Variants in UNC5D observed in about 807,000 individuals in gnomAD.
UNC5D encodes netrin receptor UNC5D.
Under a neutral mutation model 105.4 loss-of-function variants are expected in UNC5D, and 39 were observed. That is an observed-to-expected ratio of 0.37 (90% CI 0.29 to 0.48). The LOEUF is 0.48. Among genes scored for constraint, UNC5D ranks in the 20% least tolerant of loss-of-function variants. The pLI is 0.98. For missense variants in UNC5D, 991 were observed against 1,202.4 expected (o/e 0.82, Z 2.60); for synonymous variants, 452 against 450.4 (o/e 1.00, Z -0.04).
At position 35,549,468 on chromosome 8, in the gene UNC5D, C is replaced by G; in HGVS notation, c.280C>G (p.Gln94Glu). ...FFKCNGEWVH[Q>E]NEHVSEETLD... Reference sequence around the variant, plus strand: ...CAAATGCAACGGCGAGTGGGTCCATCAGAACGAGCACGTCTCTGAAGAGAC... The same window carrying G: ...CAAATGCAACGGCGAGTGGGTCCATGAGAACGAGCACGTCTCTGAAGAGAC... The change falls in exon 2 of 17, where the codon CAG (glutamine) becomes GAG (glutamate). Residue 94 changes from glutamine to glutamate, a missense_variant. By Grantham distance (29) the Gln-to-Glu change is conservative. This residue lies in a region of UNC5D where 944 missense variants were observed against 1,131.6 expected (regional missense o/e 0.83). Coordinates refer to ENST00000404895, the MANE Select transcript of UNC5D (RefSeq NM_080872.4). 6.2e-7 allele frequency: 1 copy of G among 1,612,446 alleles called. No homozygotes were observed.
At chr8:35,533,775 A>T (rs1022732090) in intron 1 of UNC5D, among the ~76,000 whole-genome samples, 4 of 152,132 alleles carry the variant, frequency 2.6e-5, no homozygotes, top group African/African-American at 9.7e-5. Flanking sequence ...GCCGGTCTGA[A>T]AAGCACAATA....
At chr8:35,436,035 A>G (rs1047410243) in intron 1 of UNC5D, among the ~76,000 whole-genome samples, 2 of 152,104 alleles carry the variant, frequency 1.3e-5, no homozygotes, top group Non-Finnish European at 2.9e-5. Flanking sequence ...TTAAATATTT[A>G]TACTTGGCAA....
chr8:35,315,803 G>A (rs997916280), intron 1 of UNC5D, among the ~76,000 whole-genome samples: 1 of 152,186 alleles, frequency 6.6e-6, no homozygotes, highest in Non-Finnish European at 1.5e-5. Context: ...TGGCAGGACT[G>A]GCATTTTGCA....
intron 11 of UNC5D, among the ~76,000 whole-genome samples, chr8:35,746,731 C>T (rs1331589915): frequency 6.6e-6 from 1 of 152,112 alleles, no homozygotes; most frequent in Admixed American, 6.5e-5. Flanking sequence ...ACAATATGTT[C>T]AACAAGGAGG....
chr8:35,658,731 A>G (rs1244840478), intron 4 of UNC5D, among the ~76,000 whole-genome samples: 1 of 149,408 alleles, frequency 6.7e-6, no homozygotes, highest in Non-Finnish European at 1.5e-5. Context: ...GGCTCACTGC[A>G]AGCTCCGCCT....
chr8:35,300,224 C>T (rs1475593856), intron 1 of UNC5D, among the ~76,000 whole-genome samples: 2 of 151,830 alleles, frequency 1.3e-5, no homozygotes, highest in East Asian at 3.9e-4. Context: ...AAGGTGGGCA[C>T]ATCACCTGAG....
chr8:35,318,027 G>C (rs959706556), intron 1 of UNC5D, among the ~76,000 whole-genome samples: 1 of 151,826 alleles, frequency 6.6e-6, no homozygotes, highest in Non-Finnish European at 1.5e-5. Flanking sequence ...TCTTTTTCAA[G>C]TCTTATTGCA....
chr8:35,291,952 A>G (rs1807098755), intron 1 of UNC5D, among the ~76,000 whole-genome samples: 1 of 152,228 alleles, frequency 6.6e-6, no homozygotes, highest in African/African-American at 2.4e-5. Context: ...ACAGCCATGG[A>G]AAAAATATTC....
chr8:35,420,612 A>T (rs1805835581), intron 1 of UNC5D, among the ~76,000 whole-genome samples: 1 of 152,228 alleles, frequency 6.6e-6, no homozygotes, highest in African/African-American at 2.4e-5. Flanking sequence ...CAAAGACACC[A>T]GTTCCCTCTA....
chr8:35,394,008 T>A (rs1803945432), intron 1 of UNC5D, among the ~76,000 whole-genome samples: 2 of 151,886 alleles, frequency 1.3e-5, no homozygotes, highest in East Asian at 1.9e-4. Context: ...TTCTCCTTTT[T>A]CTCTCTCTCA....
chr8:35,624,956 C>G (rs1294456693), intron 4 of UNC5D, among the ~76,000 whole-genome samples: 1 of 151,958 alleles, frequency 6.6e-6, no homozygotes, highest in Non-Finnish European at 1.5e-5. Context: ...ATTAATCATC[C>G]CTTAATTATT....
intron 2 of UNC5D, among the ~76,000 whole-genome samples, chr8:35,561,400 T>G (rs1816955078): frequency 6.6e-6 from 1 of 152,184 alleles, no homozygotes; most frequent in Non-Finnish European, 1.5e-5. Context: ...AAGACCCCCA[T>G]GCTTCCCCAT....
intron 1 of UNC5D, among the ~76,000 whole-genome samples, chr8:35,264,365 G>GGACATAGAGAATAA (rs386412551): frequency 6.6e-6 from 1 of 152,114 alleles, no homozygotes; most frequent in Non-Finnish European, 1.5e-5. Context: ...GTATATAATA[G>GGACATAGAGAATAA]GACATAGAGA....
chr8:35,429,087 T>C (rs1009528552), intron 1 of UNC5D, among the ~76,000 whole-genome samples: 2 of 152,190 alleles, frequency 1.3e-5, no homozygotes, highest in African/African-American at 4.8e-5. Context: ...GCTTGCTATT[T>C]TATGCTTCAT....
At chr8:35,658,468 C>T (rs1245054231) in intron 4 of UNC5D, among the ~76,000 whole-genome samples, 1 of 152,012 alleles carries the variant, frequency 6.6e-6, no homozygotes, top group Non-Finnish European at 1.5e-5. Flanking sequence ...AAGTACAAGA[C>T]ATATTGTAGG....
At chr8:35,758,122 G>A (rs1830595835) in intron 13 of UNC5D, among the ~76,000 whole-genome samples, 1 of 152,182 alleles carries the variant, frequency 6.6e-6, no homozygotes, top group Non-Finnish European at 1.5e-5. Context: ...CAAAGAGCTG[G>A]AGAAAATGCC....
At chr8:35,524,475 G>A (rs1331895470) in intron 1 of UNC5D, among the ~76,000 whole-genome samples, 2 of 151,446 alleles carry the variant, frequency 1.3e-5, no homozygotes, top group Non-Finnish European at 2.9e-5. Context: ...GGTGGAGAGG[G>A]CAATACATTT....
intron 1 of UNC5D, among the ~76,000 whole-genome samples, chr8:35,520,880 A>G (rs1813416948): frequency 6.6e-6 from 1 of 152,242 alleles, no homozygotes; most frequent in East Asian, 1.9e-4. Flanking sequence ...TTTACAATTC[A>G]TTTCTAATTT....
intron 3 of UNC5D, among the ~76,000 whole-genome samples, chr8:35,576,653 C>A (rs1166556585): frequency 3.9e-5 from 6 of 152,128 alleles, no homozygotes; most frequent in African/African-American, 1.4e-4. Context: ...CACTCTGTCA[C>A]CCAGGCTGGA....
Sources: gnomAD v4.1 joint callset for allele counts (sites outside exome capture counted in the v4.1 genomes callset) on GRCh38, gnomAD v4.1.1 for gene constraint, gnomAD v4.1.1 regional missense constraint, MANE v1.5 for transcripts, NCBI Gene and HGNC (gene_info 2026-07-23, HGNC 2026-07-21) for gene names.